DTWD2: variants seen among roughly 807,000 people sequenced by gnomAD.
DTWD2 encodes the protein DTW motif tRNA-uridine aminocarboxypropyltransferase 2.
In DTWD2, 39 loss-of-function variants were observed where a neutral mutation model predicts 31.8. The observed-to-expected ratio is 1.22, with a 90% CI of 0.95 to 1.60. DTWD2 has a LOEUF of 1.60. Ranked by LOEUF, DTWD2 falls within the 40% of genes most tolerant of loss-of-function variation. The probability of loss-of-function intolerance (pLI) is 0.00; values close to 1 mark genes in which losing one functional copy is unlikely to be tolerated. For missense variants in DTWD2, 515 were observed against 381.5 expected, an observed-to-expected ratio of 1.35 and a Z score of -2.92; for synonymous variants, 180 against 142.8, an observed-to-expected ratio of 1.26 and a Z score of -1.86.
intron 4 of DTWD2, among the ~76,000 whole-genome samples, chr5:118,888,583 A>T (rs1307704571): frequency 6.6e-6 from 1 of 152,214 alleles, no homozygotes; most frequent in East Asian, 1.9e-4. Context: ...AAGTCTTTGT[A>T]TAGACATATA....
At chr5:118,943,550 C>CAAAA (rs1270693139) in intron 2 of DTWD2, among the ~76,000 whole-genome samples, 2 of 63,942 alleles carry the variant, frequency 3.1e-5, no homozygotes, top group Non-Finnish European at 7.0e-5. Context: ...GACTCCGTCT[C>CAAAA]AAAAAAAAAA....
At chr5:118,937,889 T>A (rs1754080163) in intron 3 of DTWD2, among the ~76,000 whole-genome samples, 1 of 152,216 alleles carries the variant, frequency 6.6e-6, no homozygotes, top group South Asian at 2.1e-4. Context: ...TTCCTCATTA[T>A]GTCTCTCCTG....
intron 3 of DTWD2, among the ~76,000 whole-genome samples, chr5:118,936,671 G>A (rs1164135953): frequency 6.6e-6 from 1 of 151,304 alleles, no homozygotes; most frequent in Non-Finnish European, 1.5e-5. Flanking sequence ...ATGCTTATAT[G>A]AATGAACAAA....
chr5:118,912,979 C>T (rs1307604444), intron 4 of DTWD2, among the ~76,000 whole-genome samples: 1 of 152,196 alleles, frequency 6.6e-6, no homozygotes, highest in Non-Finnish European at 1.5e-5. Flanking sequence ...AAAGTCAACA[C>T]TCGGTGCTGA....
chr5:118,973,946 G>C, intron 1 of DTWD2: 3 of 1,588,072 alleles, frequency 1.9e-6, no homozygotes, highest in Non-Finnish European at 2.6e-6. Flanking sequence ...GGCTGACAAT[G>C]AGGTAGATGA....
At chr5:118,903,836 T>A (rs1054405228) in intron 4 of DTWD2, among the ~76,000 whole-genome samples, 2 of 152,058 alleles carry the variant, frequency 1.3e-5, no homozygotes, top group African/African-American at 2.4e-5. Flanking sequence ...TGCTTATATA[T>A]ATTTGAAATT....
At chr5:118,872,828 A>C (rs1272526955) in intron 4 of DTWD2, among the ~76,000 whole-genome samples, 2 of 152,248 alleles carry the variant, frequency 1.3e-5, no homozygotes, top group African/African-American at 4.8e-5. Flanking sequence ...ATTTGTAAAA[A>C]TCGCACTAGA....
chr5:118,945,984 G>A (rs1402727164), intron 1 of DTWD2, among the ~76,000 whole-genome samples: 4 of 152,130 alleles, frequency 2.6e-5, no homozygotes, highest in Non-Finnish European at 2.9e-5. Context: ...TTTACTTATT[G>A]TGGAATTTTA....
At chr5:118,878,677 C>T (rs1752672482) in intron 4 of DTWD2, among the ~76,000 whole-genome samples, 1 of 152,094 alleles carries the variant, frequency 6.6e-6, no homozygotes, top group African/African-American at 2.4e-5. Context: ...TCTAATTAAA[C>T]TGAAGAGTTT....
intron 4 of DTWD2, among the ~76,000 whole-genome samples, chr5:118,882,799 C>A (rs1391984986): frequency 1.3e-5 from 2 of 152,246 alleles, no homozygotes; most frequent in East Asian, 3.9e-4. Context: ...AGCAGCAGGG[C>A]CCTGGGGCCA....
chr5:118,948,460 G>A (rs1007468077), intron 1 of DTWD2, among the ~76,000 whole-genome samples: 5 of 152,090 alleles, frequency 3.3e-5, no homozygotes, highest in East Asian at 1.9e-4. Context: ...CAGCCTGGGC[G>A]ACAAAGCAAG....
At chr5:118,948,947 C>T (rs1365389187) in intron 1 of DTWD2, among the ~76,000 whole-genome samples, 1 of 152,036 alleles carries the variant, frequency 6.6e-6, no homozygotes, top group Non-Finnish European at 1.5e-5. Flanking sequence ...GGAGTTGTTG[C>T]TTTGTAGAAG....
At chr5:118,844,239 A>C (rs1316478721) in intron 5 of DTWD2, among the ~76,000 whole-genome samples, 1 of 152,236 alleles carries the variant, frequency 6.6e-6, no homozygotes, top group Non-Finnish European at 1.5e-5. Flanking sequence ...CATTACTACC[A>C]ACTGCAGATA....
At chr5:118,889,273 C>G (rs554254730) in intron 4 of DTWD2, among the ~76,000 whole-genome samples, 1 of 151,890 alleles carries the variant, frequency 6.6e-6, no homozygotes. Flanking sequence ...AGTACTCAAT[C>G]AATAAATAAA....
intron 4 of DTWD2, among the ~76,000 whole-genome samples, chr5:118,899,611 T>C (rs1753158676): frequency 6.6e-6 from 1 of 152,134 alleles, no homozygotes; most frequent in African/African-American, 2.4e-5. Flanking sequence ...AACACACTTG[T>C]GTAACTAGTA....
intron 1 of DTWD2, among the ~76,000 whole-genome samples, chr5:118,968,457 G>A (rs972171125): frequency 4.6e-5 from 7 of 152,158 alleles, no homozygotes; most frequent in African/African-American, 1.7e-4. Flanking sequence ...TCTCACACTG[G>A]GACTCACTAG....
At chr5:118,949,631 G>A (rs1196673810) in intron 1 of DTWD2, among the ~76,000 whole-genome samples, 3 of 152,150 alleles carry the variant, frequency 2.0e-5, no homozygotes, top group Non-Finnish European at 2.9e-5. Flanking sequence ...GCGGTGGGAT[G>A]GGATATTGGC....
chr5:118,855,931 AAATAG>A (rs1195276273), intron 4 of DTWD2, among the ~76,000 whole-genome samples: 3 of 152,154 alleles, frequency 2.0e-5, no homozygotes, highest in Non-Finnish European at 4.4e-5. Context: ...AATATTTATA[AAATAG>A]AATAGGTAAT....
At chr5:118,855,148 C>T (rs1752100385) in intron 4 of DTWD2, among the ~76,000 whole-genome samples, 1 of 148,534 alleles carries the variant, frequency 6.7e-6, no homozygotes, top group African/African-American at 2.5e-5. Context: ...GCCTGGATGA[C>T]AGAGCAAAAC....
Sources: gnomAD v4.1 joint callset for allele counts (sites outside exome capture counted in the v4.1 genomes callset) on GRCh38, gnomAD v4.1.1 for gene constraint, MANE v1.5 for transcripts, NCBI Gene and HGNC (gene_info 2026-07-23, HGNC 2026-07-21) for gene names.